CAMTA1: variants seen among roughly 807,000 people sequenced by gnomAD.
CAMTA1 encodes calmodulin-binding transcription activator 1.
A neutral mutation model predicts 170.9 loss-of-function variants in CAMTA1; 27 were observed. The observed-to-expected ratio is 0.16, with a 90% CI of 0.12 to 0.22. The LOEUF (loss-of-function observed/expected upper bound fraction) is 0.22, where lower values mean the gene tolerates loss of function less well. Ranked by LOEUF, CAMTA1 falls within the 10% of genes least tolerant of loss-of-function variation. The pLI is 1.00. For missense variants in CAMTA1, 1,619 were observed against 2,217.2 expected (o/e 0.73, Z 5.42); for synonymous variants, 833 against 891.5 (o/e 0.93, Z 1.17).
intron 6 of CAMTA1, among the ~76,000 whole-genome samples, chr1:7,551,713 G>C (rs939138633): frequency 1.3e-5 from 2 of 152,180 alleles, no homozygotes; most frequent in African/African-American, 4.8e-5. Flanking sequence ...CCTGTCCCTG[G>C]TGTCCAGTAT....
intron 10 of CAMTA1, among the ~76,000 whole-genome samples, chr1:7,671,557 G>A (rs1016141831): frequency 3.9e-5 from 6 of 152,240 alleles, no homozygotes; most frequent in Non-Finnish European, 8.8e-5. Flanking sequence ...AGAAAGCCTG[G>A]CAGGGGCGGA....
chr1:7,461,418 G>A (rs1163332924), intron 5 of CAMTA1, among the ~76,000 whole-genome samples: 1 of 152,226 alleles, frequency 6.6e-6, no homozygotes, highest in African/African-American at 2.4e-5. Context: ...TGTCCAATGT[G>A]GTAGCCCTCG....
chr1:7,149,996 C>T (rs543013362), intron 4 of CAMTA1, among the ~76,000 whole-genome samples: 1 of 152,174 alleles, frequency 6.6e-6, no homozygotes, highest in Non-Finnish European at 1.5e-5. Flanking sequence ...AAGGACTGCC[C>T]AGGACTCAAA....
intron 1 of CAMTA1, among the ~76,000 whole-genome samples, chr1:6,793,935 C>G (rs1310326125): frequency 6.6e-6 from 1 of 151,918 alleles, no homozygotes; most frequent in African/African-American, 2.4e-5. Context: ...ACTTGGATAT[C>G]AAATCATTTG....
chr1:7,198,865 G>GGA (rs1656079781), intron 4 of CAMTA1, among the ~76,000 whole-genome samples: 2 of 152,124 alleles, frequency 1.3e-5, no homozygotes, highest in Non-Finnish European at 1.5e-5. Context: ...CTGCAGGCAG[G>GGA]GAGCCCCGCG....
intron 3 of CAMTA1, among the ~76,000 whole-genome samples, chr1:6,888,745 T>G (rs1164955059): frequency 6.6e-6 from 1 of 152,280 alleles, no homozygotes; most frequent in East Asian, 1.9e-4. Flanking sequence ...TACCCCGTCT[T>G]TATTCGTTGT....
At chr1:7,058,342 A>G (rs1484711508) in intron 3 of CAMTA1, among the ~76,000 whole-genome samples, 11 of 152,068 alleles carry the variant, frequency 7.2e-5, no homozygotes, top group African/African-American at 2.7e-4. Flanking sequence ...GTCTCTTTTT[A>G]AGAGAAAAAG....
chr1:7,022,458 A>G lies in CAMTA1; in HGVS notation c.235-68846A>G, dbSNP rs565248769. On this transcript the variant is annotated intron_variant, in intron 3 of 22. Transcript: ENST00000303635. ...TTCCTCTTGGATTGGCCTTCTAATT[A>G]GTCTAGGATGACATAAAGAAGCCTC... Among the ~76,000 whole-genome samples the G allele has an allele frequency of 1.7e-4, 26 of 152,308 alleles. 1 individual carries two copies. The East Asian group carries it at 3.1e-3, about 18-fold the overall frequency.
At chr1:6,854,633 G>A (rs1661606840) in intron 3 of CAMTA1, among the ~76,000 whole-genome samples, 1 of 152,126 alleles carries the variant, frequency 6.6e-6, no homozygotes, top group Non-Finnish European at 1.5e-5. Flanking sequence ...CAAAATTGTT[G>A]ATTTATAGAG....
At chr1:7,679,587 A>G (rs1175555224) in intron 11 of CAMTA1, among the ~76,000 whole-genome samples, 1 of 120,468 alleles carries the variant, frequency 8.3e-6, no homozygotes, top group African/African-American at 3.5e-5. Flanking sequence ...CCCCCCCCCC[A>G]GAACTTTGAG....
chr1:6,972,903 G>A (rs1418673632), intron 3 of CAMTA1, among the ~76,000 whole-genome samples: 1 of 152,030 alleles, frequency 6.6e-6, no homozygotes, highest in Non-Finnish European at 1.5e-5. Flanking sequence ...CCAGGCTGGA[G>A]TGCAGCGGTG....
At chr1:7,307,654 A>G (rs915028934) in intron 5 of CAMTA1, among the ~76,000 whole-genome samples, 1 of 152,032 alleles carries the variant, frequency 6.6e-6, no homozygotes, top group Non-Finnish European at 1.5e-5. Context: ...GGTAAATTAC[A>G]GTGATTGATT....
Position 7,455,237 on chromosome 1 carries a change from C to T in CAMTA1, c.439-12593C>T, listed in dbSNP as rs927611317. 8.5e-5 allele frequency among the ~76,000 whole-genome samples: 13 copies of T among 152,198 alleles called. No individual in the cohort carries two copies. Among genetic ancestry groups the T allele is most frequent in the Non-Finnish European group, 1.6e-4 (11 of 68,042 alleles). On this transcript the variant is annotated intron_variant, in intron 5 of 22. Coordinates refer to ENST00000303635, the MANE Select transcript of CAMTA1 (RefSeq NM_015215.4). This position sits in a 1 kb window ranked among gnomAD's most constrained non-coding sequence, Gnocchi z 5.0. Reference sequence around the variant, plus strand: ...GGAGCCGCGGCTCGGCATGGTTCTGCGTGTGTGTTTCCGACACTGGCTCCC... The same window carrying T: ...GGAGCCGCGGCTCGGCATGGTTCTGTGTGTGTGTTTCCGACACTGGCTCCC...
chr1:7,599,975 G>C (rs2095427772), intron 6 of CAMTA1, among the ~76,000 whole-genome samples: 1 of 152,156 alleles, frequency 6.6e-6, no homozygotes, highest in South Asian at 2.1e-4. Context: ...TTCCAACGCT[G>C]TGTTGAATAG....
intron 6 of CAMTA1, among the ~76,000 whole-genome samples, chr1:7,571,198 G>GTCTGCTGAGGGCTT (rs1342873745): frequency 2.6e-5 from 4 of 152,222 alleles, no homozygotes. Flanking sequence ...TAGACTTAGT[G>GTCTGCTGAGGGCTT]TCTGCTGAGG....
intron 6 of CAMTA1, among the ~76,000 whole-genome samples, chr1:7,503,452 G>A (rs2094043911): frequency 1.3e-5 from 2 of 152,226 alleles, no homozygotes; most frequent in South Asian, 4.1e-4. Flanking sequence ...CCATGGAGTT[G>A]GCCTGGGTCT....
At chr1:7,059,295 G>A (rs1207655040) in intron 3 of CAMTA1, among the ~76,000 whole-genome samples, 3 of 152,154 alleles carry the variant, frequency 2.0e-5, no homozygotes, top group African/African-American at 7.2e-5. Flanking sequence ...AAGAGGTGGG[G>A]GTAACAAATC....
intron 3 of CAMTA1, among the ~76,000 whole-genome samples, chr1:6,829,137 A>G (rs781046571): frequency 1.3e-5 from 2 of 151,958 alleles, no homozygotes; most frequent in Admixed American, 6.6e-5. Context: ...TCCTGACCTC[A>G]GGTGATCTAC....
chr1:7,603,107 G>A (rs1206722404), intron 6 of CAMTA1, among the ~76,000 whole-genome samples: 3 of 152,230 alleles, frequency 2.0e-5, no homozygotes, highest in Admixed American at 6.5e-5. Flanking sequence ...TTCCAACTAT[G>A]TGGTCAATTT....
Sources: allele counts gnomAD v4.1 joint callset (sites outside exome capture counted in the v4.1 genomes callset), GRCh38; gene constraint gnomAD v4.1.1; non-coding constraint Gnocchi (gnomAD v3.1); transcripts MANE v1.5; gene names NCBI Gene and HGNC (gene_info 2026-07-23, HGNC 2026-07-21).